BTBD10: variants seen among roughly 807,000 people sequenced by gnomAD.
BTBD10 encodes BTB domain containing 10.
A neutral mutation model predicts 53.2 loss-of-function variants in BTBD10; 21 were observed. The observed-to-expected ratio is 0.39, with a 90% CI of 0.28 to 0.57. BTBD10 has a LOEUF of 0.57. Among genes scored for constraint, BTBD10 ranks in the 20% least tolerant of loss-of-function variants. BTBD10 has a pLI of 0.53. For synonymous variants in BTBD10, 149 were observed against 192.7 expected (o/e 0.77, Z 1.88); for missense variants, 360 against 594.7 (o/e 0.61, Z 4.10).
At chr11:13,410,456 G>A (rs573183158) in intron 6 of BTBD10, among the ~76,000 whole-genome samples, 8 of 151,976 alleles carry the variant, frequency 5.3e-5, no homozygotes, top group Non-Finnish European at 1.2e-4. Flanking sequence ...GGATGATTTC[G>A]AACCCCTGGG....
At chr11:13,452,116 G>A (rs972621658) in intron 1 of BTBD10, among the ~76,000 whole-genome samples, 1 of 151,890 alleles carries the variant, frequency 6.6e-6, no homozygotes, top group Non-Finnish European at 1.5e-5. Context: ...GAGACAGGAG[G>A]GACAGTATCT....
intron 3 of BTBD10, among the ~76,000 whole-genome samples, chr11:13,420,401 A>C (rs1418299437): frequency 6.6e-6 from 1 of 152,106 alleles, no homozygotes; most frequent in Non-Finnish European, 1.5e-5. Flanking sequence ...TGTTTGTTGA[A>C]TAAAGCACTG....
intron 8 of BTBD10, among the ~76,000 whole-genome samples, chr11:13,400,605 G>A (rs974764208): frequency 2.0e-5 from 3 of 152,222 alleles, no homozygotes; most frequent in African/African-American, 7.2e-5. Flanking sequence ...TACCTCAGTT[G>A]GAAATGCAGA....
chr11:13,458,678 C>T (rs1365220299), intron 1 of BTBD10, among the ~76,000 whole-genome samples: 1 of 152,212 alleles, frequency 6.6e-6, no homozygotes, highest in East Asian at 1.9e-4. Flanking sequence ...TCCCACCAGT[C>T]TCTCTAATAA....
chr11:13,456,448 T>C (rs914828422), intron 1 of BTBD10, among the ~76,000 whole-genome samples: 2 of 152,044 alleles, frequency 1.3e-5, no homozygotes, highest in African/African-American at 4.8e-5. Flanking sequence ...AAATCAACTA[T>C]CTAAATGTAA....
intron 8 of BTBD10, among the ~76,000 whole-genome samples, chr11:13,397,231 T>C (rs1259453123): frequency 1.3e-5 from 2 of 152,218 alleles, no homozygotes; most frequent in Non-Finnish European, 2.9e-5. Context: ...CTGTTATTGG[T>C]CTATTCAGAG....
chr11:13,403,072 T>A, intron 8 of BTBD10, 96 bp downstream of exon 8: 1 of 789,622 alleles, frequency 1.3e-6, no homozygotes, highest in Non-Finnish European at 2.0e-6. Flanking sequence ...AGAGTTTTTC[T>A]CAAAGTATTC....
chr11:13,453,658 G>A (rs1177672087), intron 1 of BTBD10, among the ~76,000 whole-genome samples: 3 of 152,138 alleles, frequency 2.0e-5, no homozygotes. Context: ...TACCCCATTA[G>A]ACTATAAGAT....
chr11:13,417,223 G>A lies in BTBD10; in HGVS notation c.622C>T (p.Pro208Ser). The change falls in exon 5 of 9, where the codon CCC becomes TCC. Residue 208 changes from proline (P) to serine (S), a missense_variant. Around this residue, in one of 6 missense-constraint regions of BTBD10, gnomAD observed 91 missense variants for 171.7 expected, o/e 0.53. Coordinates refer to ENST00000278174, the MANE Select transcript of BTBD10 (RefSeq NM_032320.7). ...GSGREHNFTR[P>S]NEKGEYEVAE... ...ACCTCATACTCTCCTTTCTCATTGGGTCGTGTAAAGTTATGTTCTCGGCCA... is the reference window on the plus strand; with the variant it reads ...ACCTCATACTCTCCTTTCTCATTGGATCGTGTAAAGTTATGTTCTCGGCCA... The A allele has an allele frequency of 6.2e-7, 1 of 1,613,404 alleles. No homozygotes were observed. The highest frequency in any genetic ancestry group is 8.5e-7 in the Non-Finnish European group (1 of 1,179,662).
chr11:13,457,301 T>C (rs1455121042), intron 1 of BTBD10, among the ~76,000 whole-genome samples: 1 of 152,206 alleles, frequency 6.6e-6, no homozygotes, highest in Non-Finnish European at 1.5e-5. Context: ...ACAACTCCAC[T>C]AATATTCCAT....
At chr11:13,401,941 C>T (rs1448361495) in intron 8 of BTBD10, among the ~76,000 whole-genome samples, 6 of 152,196 alleles carry the variant, frequency 3.9e-5, no homozygotes, top group African/African-American at 1.4e-4. Flanking sequence ...CCTACCTCAA[C>T]ACTTTTGCAC....
chr11:13,426,129 G>A (rs1448289731), intron 2 of BTBD10, among the ~76,000 whole-genome samples: 1 of 151,854 alleles, frequency 6.6e-6, no homozygotes, highest in Non-Finnish European at 1.5e-5. Flanking sequence ...TCCAAATTTG[G>A]CAAAAATTAC....
intron 2 of BTBD10, chr11:13,439,851 C>A (rs1464999966): frequency 2.7e-6 from 4 of 1,472,246 alleles, no homozygotes; most frequent in South Asian, 1.3e-5. Context: ...ATAATTATAA[C>A]CCAGAGATAT....
At chr11:13,412,272 A>G (rs1467841148) in intron 6 of BTBD10, among the ~76,000 whole-genome samples, 1 of 152,060 alleles carries the variant, frequency 6.6e-6, no homozygotes, top group Non-Finnish European at 1.5e-5. Context: ...TGGCCAACAT[A>G]GTGAAACCCT....
At chr11:13,404,296 T>C (rs1314463561) in intron 7 of BTBD10, among the ~76,000 whole-genome samples, 1 of 152,144 alleles carries the variant, frequency 6.6e-6, no homozygotes. Context: ...TGATACAAAA[T>C]AATACATATT....
intron 2 of BTBD10, among the ~76,000 whole-genome samples, chr11:13,433,599 T>G (rs981925320): frequency 6.6e-6 from 1 of 152,328 alleles, no homozygotes; most frequent in African/African-American, 2.4e-5. Flanking sequence ...TAAGTCAGGA[T>G]TTGGCAAACT....
chr11:13,451,214 G>A (rs1950852427), intron 1 of BTBD10, among the ~76,000 whole-genome samples: 1 of 152,156 alleles, frequency 6.6e-6, no homozygotes, highest in Admixed American at 6.5e-5. Flanking sequence ...AAAGCAGGCA[G>A]AGACCATAGA....
intron 1 of BTBD10, among the ~76,000 whole-genome samples, chr11:13,455,858 G>A (rs1950955540): frequency 6.6e-6 from 1 of 151,836 alleles, no homozygotes; most frequent in African/African-American, 2.4e-5. Flanking sequence ...GTTCCATTTT[G>A]ACCTATTCAT....
At chr11:13,404,665 T>G in intron 7 of BTBD10, 1 of 939,546 alleles carries the variant, frequency 1.1e-6, no homozygotes, top group Non-Finnish European at 1.3e-6. Context: ...ACTGAGGAAA[T>G]AGCAACAGAA....
Sources: allele counts gnomAD v4.1 joint callset (sites outside exome capture counted in the v4.1 genomes callset), GRCh38; gene constraint gnomAD v4.1.1; regional missense constraint gnomAD v4.1.1; transcripts MANE v1.5; gene names NCBI Gene and HGNC (gene_info 2026-07-23, HGNC 2026-07-21).